The following SKAP1 variants were observed in gnomAD, a reference collection of about 807,000 sequenced individuals.
The protein encoded by SKAP1 is src kinase-associated phosphoprotein 1.
A neutral mutation model predicts 58.5 loss-of-function variants in SKAP1; 44 were observed. The observed-to-expected ratio is 0.75, with a 90% CI of 0.59 to 0.97. The LOEUF (loss-of-function observed/expected upper bound fraction) is 0.97. SKAP1 is among the 50% of genes least tolerant of loss of function. The probability of loss-of-function intolerance (pLI) is 0.00; values close to 1 mark genes in which losing one functional copy is unlikely to be tolerated. For synonymous variants in SKAP1, 127 were observed against 149.7 expected (o/e 0.85, Z 1.11); for missense variants, 390 against 435.2 (o/e 0.90, Z 0.92).
intron 4 of SKAP1, among the ~76,000 whole-genome samples, chr17:48,325,130 T>A (rs1202650677): frequency 6.6e-6 from 1 of 151,508 alleles, no homozygotes; most frequent in Admixed American, 6.6e-5. Context: ...GCGCCTGTAG[T>A]CCCAGCTACT....
intron 4 of SKAP1, among the ~76,000 whole-genome samples, chr17:48,274,756 G>C (rs1016965954): frequency 8.6e-5 from 13 of 151,812 alleles, no homozygotes; most frequent in South Asian, 4.2e-4. Flanking sequence ...TTGTCCACCT[G>C]GTCTTGAACT....
chr17:48,323,973 G>T (rs1411436614), intron 4 of SKAP1, among the ~76,000 whole-genome samples: 1 of 152,040 alleles, frequency 6.6e-6, no homozygotes, highest in Non-Finnish European at 1.5e-5. Flanking sequence ...TGTTATTGTG[G>T]ATTCTCATGT....
intron 7 of SKAP1, among the ~76,000 whole-genome samples, chr17:48,183,356 T>C (rs1398243343): frequency 6.6e-6 from 1 of 152,168 alleles, no homozygotes; most frequent in Non-Finnish European, 1.5e-5. Context: ...TTGGATTCAA[T>C]AGGCCAAAGA....
At chr17:48,310,438 G>A (rs1420679693) in intron 4 of SKAP1, among the ~76,000 whole-genome samples, 1 of 152,142 alleles carries the variant, frequency 6.6e-6, no homozygotes, top group Non-Finnish European at 1.5e-5. Flanking sequence ...CTCTCCCAAT[G>A]TGAAAAATTA....
At chr17:48,337,594 G>T (rs1331983442) in intron 4 of SKAP1, among the ~76,000 whole-genome samples, 1 of 152,124 alleles carries the variant, frequency 6.6e-6, no homozygotes, top group African/African-American at 2.4e-5. Flanking sequence ...GGCCAAAAAA[G>T]ATAATTAATT....
intron 4 of SKAP1, among the ~76,000 whole-genome samples, chr17:48,341,170 C>T (rs994961231): frequency 2.6e-5 from 4 of 152,106 alleles, no homozygotes; most frequent in Non-Finnish European, 5.9e-5. Flanking sequence ...AGTAAACACT[C>T]GATAAATGGT....
chr17:48,248,592 C>G (rs902918332), intron 4 of SKAP1, among the ~76,000 whole-genome samples: 1 of 151,996 alleles, frequency 6.6e-6, no homozygotes, highest in African/African-American at 2.4e-5. Flanking sequence ...AACAAACAAA[C>G]AAACAAATTG....
At chr17:48,309,701 C>T (rs2066197532) in intron 4 of SKAP1, among the ~76,000 whole-genome samples, 1 of 152,032 alleles carries the variant, frequency 6.6e-6, no homozygotes, top group Non-Finnish European at 1.5e-5. Flanking sequence ...TTTCAATAGC[C>T]AAGGAGAAGA....
intron 9 of SKAP1, among the ~76,000 whole-genome samples, chr17:48,172,034 T>C (rs1226106933): frequency 6.6e-6 from 1 of 152,248 alleles, no homozygotes; most frequent in East Asian, 1.9e-4. Flanking sequence ...CACTCCAGCC[T>C]GGGTGACAGA....
the SKAP1 span, among the ~76,000 whole-genome samples, chr17:48,435,868 T>G: frequency 1.3e-5 from 2 of 152,176 alleles, no homozygotes; most frequent in African/African-American, 4.8e-5. Context: ...TGAGTGGATA[T>G]TCTAACAAGA....
At chr17:48,394,600 C>T (rs994174529) in intron 2 of SKAP1, among the ~76,000 whole-genome samples, 21 of 152,198 alleles carry the variant, frequency 1.4e-4, no homozygotes, top group Non-Finnish European at 2.5e-4. Flanking sequence ...CTCAGCCTCC[C>T]AAAGTGCTGG....
At chr17:48,143,609 C>T (rs1182817844) in intron 11 of SKAP1, among the ~76,000 whole-genome samples, 1 of 152,136 alleles carries the variant, frequency 6.6e-6, no homozygotes, top group Non-Finnish European at 1.5e-5. Flanking sequence ...TGTTGCCTTG[C>T]TGTGAAGGGG....
At chr17:48,215,828 T>C (rs1567824289) in intron 4 of SKAP1, among the ~76,000 whole-genome samples, 1 of 152,088 alleles carries the variant, frequency 6.6e-6, no homozygotes, top group African/African-American at 2.4e-5. Flanking sequence ...TCACCAGCTC[T>C]CCCTGGTTCT....
chr17:48,173,412 A>G (rs996892197), intron 9 of SKAP1, among the ~76,000 whole-genome samples: 7 of 152,228 alleles, frequency 4.6e-5, no homozygotes, highest in African/African-American at 1.7e-4. Context: ...GAAACAGATC[A>G]TGCTGAAATA....
At chr17:48,178,585 A>G (rs1366865518) in intron 9 of SKAP1, among the ~76,000 whole-genome samples, 1 of 152,202 alleles carries the variant, frequency 6.6e-6, no homozygotes, top group African/African-American at 2.4e-5. Flanking sequence ...TTTCCACTCT[A>G]TAAAATTACC....
intron 4 of SKAP1, among the ~76,000 whole-genome samples, chr17:48,313,417 A>G (rs1250704076): frequency 6.6e-6 from 1 of 152,204 alleles, no homozygotes; most frequent in African/African-American, 2.4e-5. Context: ...TATTCTAATT[A>G]TCATAGAACA....
chr17:48,345,947 G>A lies in SKAP1; in HGVS notation c.238C>T (p.Leu80Phe). 6.2e-7 allele frequency: 1 copy of A among 1,613,720 alleles called. No homozygotes were observed. The highest frequency in any genetic ancestry group is 8.5e-7 in the Non-Finnish European group (1 of 1,179,822). Residue 80 changes from leucine to phenylalanine, a missense_variant, in exon 4 of 13, where the codon CTC (leucine) becomes TTC (phenylalanine). Coordinates refer to ENST00000336915, the MANE Select transcript of SKAP1 (RefSeq NM_003726.4). ...DNHSGTLGLSLTSDAPFLSDY... is the reference protein window; with the variant it reads ...DNHSGTLGLSFTSDAPFLSDY... ...GACAAAAAGGGTGCATCGGATGTGA[G>A]GGACAGGCCAAGAGTCCCGCTGTGA...
intron 4 of SKAP1, among the ~76,000 whole-genome samples, chr17:48,343,370 C>T (rs2066681880): frequency 6.6e-6 from 1 of 152,020 alleles, no homozygotes; most frequent in South Asian, 2.1e-4. Context: ...CTTTAATTTT[C>T]AGGGGATGAA....
chr17:48,215,721 A>G (rs1410945610), intron 4 of SKAP1, among the ~76,000 whole-genome samples: 2 of 152,132 alleles, frequency 1.3e-5, no homozygotes, highest in South Asian at 2.1e-4. Context: ...CTGGATGGAC[A>G]TGACAGGCAG....
Sources: allele counts gnomAD v4.1 joint callset (sites outside exome capture counted in the v4.1 genomes callset), GRCh38; gene constraint gnomAD v4.1.1; transcripts MANE v1.5; gene names NCBI Gene and HGNC (gene_info 2026-07-23, HGNC 2026-07-21).